SORCS2: variants seen among roughly 807,000 people sequenced by gnomAD.
SORCS2 encodes the protein VPS10 domain-containing receptor SorCS2.
In SORCS2, 100 loss-of-function variants were observed where a neutral mutation model predicts 141.6. The ratio of observed to expected loss-of-function variants is 0.71; its 90% CI spans 0.60 to 0.83. The LOEUF is 0.83. SORCS2 is among the 40% of genes least tolerant of loss of function. The probability of loss-of-function intolerance (pLI) is 0.00; values close to 1 mark genes in which losing one functional copy is unlikely to be tolerated. For missense variants in SORCS2, 1,646 were observed against 1,560.2 expected (o/e 1.05, Z -0.93); for synonymous variants, 789 against 676.9 (o/e 1.17, Z -2.57).
intron 1 of SORCS2, among the ~76,000 whole-genome samples, chr4:7,299,928 G>A (rs891363699): frequency 6.6e-6 from 1 of 152,198 alleles, no homozygotes; most frequent in African/African-American, 2.4e-5. Flanking sequence ...CTCCAACTGC[G>A]GCTGCCTTCT....
chr4:7,713,628 G>A (rs1197593960), intron 15 of SORCS2, among the ~76,000 whole-genome samples: 3 of 152,130 alleles, frequency 2.0e-5, no homozygotes, highest in Non-Finnish European at 4.4e-5. Context: ...CACCTGGGGG[G>A]CAGTGGGGGA....
chr4:7,712,271 C>T (rs766199773), intron 14 of SORCS2, among the ~76,000 whole-genome samples: 1 of 152,218 alleles, frequency 6.6e-6, no homozygotes, highest in Non-Finnish European at 1.5e-5. Context: ...TGGGTTTCTG[C>T]AGCACGGAAC....
At chr4:7,625,617 G>A (rs758809618) in intron 3 of SORCS2, among the ~76,000 whole-genome samples, 9 of 151,276 alleles carry the variant, frequency 5.9e-5, no homozygotes, top group Non-Finnish European at 1.2e-4. Context: ...AGGTGGGTAC[G>A]ATGGTCACTG....
intron 12 of SORCS2, among the ~76,000 whole-genome samples, chr4:7,700,437 A>G (rs1265139495): frequency 6.6e-6 from 1 of 152,106 alleles, no homozygotes; most frequent in East Asian, 1.9e-4. Context: ...CCAGGCCTGC[A>G]TCTATGCTGG....
At chr4:7,511,305 T>G (rs1577677851) in intron 2 of SORCS2, among the ~76,000 whole-genome samples, 1 of 140,798 alleles carries the variant, frequency 7.1e-6, no homozygotes, top group Non-Finnish European at 1.5e-5. Flanking sequence ...GGGAGATGGA[T>G]GGGAGGGGAG....
intron 2 of SORCS2, among the ~76,000 whole-genome samples, chr4:7,484,568 G>A (rs989254734): frequency 1.9e-4 from 29 of 152,286 alleles, no homozygotes; most frequent in African/African-American, 5.8e-4. Context: ...GCTGACTCCA[G>A]TGTGGAAATA....
chr4:7,304,635 A>G (rs1487612393), intron 1 of SORCS2, among the ~76,000 whole-genome samples: 1 of 152,124 alleles, frequency 6.6e-6, no homozygotes, highest in Admixed American at 6.5e-5. Context: ...TTCCTCTCAG[A>G]GCTGCACCTT....
intron 2 of SORCS2, among the ~76,000 whole-genome samples, chr4:7,450,115 C>A (rs1273237634): frequency 6.6e-6 from 1 of 152,206 alleles, no homozygotes; most frequent in Non-Finnish European, 1.5e-5. Context: ...GACCTGGGCT[C>A]TGCAGACTGC....
intron 10 of SORCS2, among the ~76,000 whole-genome samples, chr4:7,687,497 A>G (rs550238935): frequency 3.1e-4 from 47 of 152,174 alleles, no homozygotes; most frequent in African/African-American, 1.1e-3. Context: ...ATTTGTCACT[A>G]TTGGATCCAG....
intron 4 of SORCS2, among the ~76,000 whole-genome samples, chr4:7,652,411 C>T (rs963564565): frequency 6.6e-6 from 1 of 152,186 alleles, no homozygotes; most frequent in African/African-American, 2.4e-5. Context: ...CAGCTGGCCC[C>T]TTCCCTTCTC....
At chr4:7,702,673 C>G (rs779382824) in intron 12 of SORCS2, among the ~76,000 whole-genome samples, 2 of 152,270 alleles carry the variant, frequency 1.3e-5, no homozygotes, top group Non-Finnish European at 2.9e-5. Flanking sequence ...TTCACTGATT[C>G]ATTCCACACA....
intron 3 of SORCS2, among the ~76,000 whole-genome samples, chr4:7,620,675 A>G (rs1345989903): frequency 6.6e-6 from 1 of 152,212 alleles, no homozygotes; most frequent in Non-Finnish European, 1.5e-5. Flanking sequence ...GTCCCTGACA[A>G]AGCTGGGTTT....
At chr4:7,543,310 T>C (rs1455929622) in intron 3 of SORCS2, among the ~76,000 whole-genome samples, 1 of 152,184 alleles carries the variant, frequency 6.6e-6, no homozygotes, top group East Asian at 1.9e-4. Context: ...CATTCATTCA[T>C]CAGTCCACTA....
intron 1 of SORCS2, among the ~76,000 whole-genome samples, chr4:7,222,630 G>A (rs1394151141): frequency 6.6e-6 from 1 of 152,200 alleles, no homozygotes; most frequent in Non-Finnish European, 1.5e-5. Context: ...CAGTAGAGCT[G>A]TTTCAAGAGA....
chr4:7,567,054 C>T (rs181777987), intron 3 of SORCS2, among the ~76,000 whole-genome samples: 2 of 152,312 alleles, frequency 1.3e-5, no homozygotes, highest in African/African-American at 2.4e-5. Flanking sequence ...GACTCCAACA[C>T]CCCTATTTAT....
At chr4:7,425,605 G>A (rs908677161) in intron 2 of SORCS2, among the ~76,000 whole-genome samples, 14 of 152,204 alleles carry the variant, frequency 9.2e-5, no homozygotes, top group African/African-American at 2.4e-4. Flanking sequence ...CTTCTGAGCC[G>A]TCAAATGGTT....
intron 2 of SORCS2, among the ~76,000 whole-genome samples, chr4:7,464,185 G>T (rs1250311938): frequency 6.6e-6 from 1 of 152,178 alleles, no homozygotes; most frequent in Non-Finnish European, 1.5e-5. Context: ...ACCATCAGGC[G>T]ATGTCACAGT....
At chr4:7,584,990 G>C (rs1476715872) in intron 3 of SORCS2, among the ~76,000 whole-genome samples, 2 of 152,152 alleles carry the variant, frequency 1.3e-5, no homozygotes, top group African/African-American at 2.4e-5. Flanking sequence ...GATTCCCGGC[G>C]TGACTGCATT....
At chr4:7,221,083 A>G (rs1728677047) in intron 1 of SORCS2, among the ~76,000 whole-genome samples, 1 of 152,250 alleles carries the variant, frequency 6.6e-6, no homozygotes, top group African/African-American at 2.4e-5. Context: ...ACCCAATTAA[A>G]CATACAATCA....
Sources: gnomAD v4.1 joint callset for allele counts (sites outside exome capture counted in the v4.1 genomes callset) on GRCh38, gnomAD v4.1.1 for gene constraint, MANE v1.5 for transcripts, NCBI Gene and HGNC (gene_info 2026-07-23, HGNC 2026-07-21) for gene names.